Variants in TBC1D12 observed in about 807,000 individuals in gnomAD.
TBC1D12 encodes the protein TBC1 domain family, member 12.
A neutral mutation model predicts 86.7 loss-of-function variants in TBC1D12; 56 were observed. The observed-to-expected ratio is 0.65, with a 90% CI of 0.52 to 0.81. The LOEUF (loss-of-function observed/expected upper bound fraction) is 0.81, where lower values mean the gene tolerates loss of function less well. Ranked by LOEUF, TBC1D12 falls within the 30% of genes least tolerant of loss-of-function variation. The pLI is 0.00. For synonymous variants in TBC1D12, 421 were observed against 411.7 expected (o/e 1.02, Z -0.27); for missense variants, 1,023 against 1,038.8 (o/e 0.98, Z 0.21).
At chr10:94,423,056 C>T (rs1456506663) in intron 1 of TBC1D12, among the ~76,000 whole-genome samples, 3 of 152,018 alleles carry the variant, frequency 2.0e-5, no homozygotes, top group South Asian at 2.1e-4. Context: ...GCCATGATCA[C>T]GCCAGTGCAC....
intron 4 of TBC1D12, among the ~76,000 whole-genome samples, chr10:94,496,621 T>C (rs1011024733): frequency 6.6e-6 from 1 of 152,192 alleles, no homozygotes; most frequent in Non-Finnish European, 1.5e-5. Flanking sequence ...AATAGAAATA[T>C]GTGATAAAGT....
At chr10:94,415,968 C>A (rs1020118514) in intron 1 of TBC1D12, among the ~76,000 whole-genome samples, 1 of 152,098 alleles carries the variant, frequency 6.6e-6, no homozygotes, top group African/African-American at 2.4e-5. Context: ...TAGGAGATAA[C>A]CACTATAAAA....
chr10:94,493,151 T>TAC (rs10532128), intron 3 of TBC1D12, among the ~76,000 whole-genome samples: 2,526 of 150,026 alleles, frequency 0.017, 34 homozygotes, highest in Middle Eastern at 0.038. Flanking sequence ...GACATAGAAC[T>TAC]ACACACACAC....
intron 1 of TBC1D12, among the ~76,000 whole-genome samples, chr10:94,434,022 C>G (rs1481018684): frequency 6.6e-6 from 1 of 152,062 alleles, no homozygotes; most frequent in Non-Finnish European, 1.5e-5. Context: ...GTTTCTGACC[C>G]AGTAACTACC....
intron 9 of TBC1D12, among the ~76,000 whole-genome samples, chr10:94,515,644 C>T (rs1194860536): frequency 6.6e-6 from 1 of 152,160 alleles, no homozygotes; most frequent in Non-Finnish European, 1.5e-5. Flanking sequence ...CCACCCTGCC[C>T]GGCCTATGTA....
At chr10:94,517,365 G>A (rs1236091567) in intron 9 of TBC1D12, among the ~76,000 whole-genome samples, 2 of 152,302 alleles carry the variant, frequency 1.3e-5, no homozygotes, top group Admixed American at 6.5e-5. Context: ...GTGACAGAGC[G>A]AGACTCTGTC....
At chr10:94,516,155 T>C (rs1344806499) in intron 9 of TBC1D12, among the ~76,000 whole-genome samples, 1 of 152,228 alleles carries the variant, frequency 6.6e-6, no homozygotes, top group Non-Finnish European at 1.5e-5. Context: ...TCACAGAATT[T>C]TATTCTAATG....
At position 94,420,834 on chromosome 10, in the gene TBC1D12, G is replaced by GT. The variant is rs201802439; in HGVS notation, c.971+17255dup. Among the ~76,000 whole-genome samples, 128 of 152,222 alleles carry GT rather than the reference G, an allele frequency of 8.4e-4. 1 individual carries two copies. In the East Asian group the frequency reaches 0.024, roughly 28 times the overall value. On this transcript the variant is annotated intron_variant, in intron 1 of 12. Transcript: ENST00000225235. ...TGCTGCTAGTATCATTTGTGTACAA[G>GT]TTTTTGTTTGAACACTTTTTTCTTT...
intron 2 of TBC1D12, among the ~76,000 whole-genome samples, chr10:94,447,845 A>G (rs1481603121): frequency 6.7e-6 from 1 of 149,558 alleles, no homozygotes; most frequent in African/African-American, 2.5e-5. Flanking sequence ...CAAATGAACC[A>G]TGTTATATGT....
rs2134036800 is a variant in TBC1D12, at chr10:94,402,779, G to C, written c.166G>C (p.Glu56Gln). Residue 56 changes from glutamate to glutamine, a missense_variant, in exon 1 of 13, where the codon GAG (glutamate) becomes CAG (glutamine). Around this residue, in one of 2 missense-constraint regions of TBC1D12, gnomAD observed 628 missense variants for 531.1 expected, o/e 1.18. Transcript: ENST00000225235. Reference protein sequence around the residue: ...VEPPEEADEEEEADEEEETPP... With the variant: ...VEPPEEADEEQEADEEEETPP... ...GCCGCCGGAGGAGGCTGACGAGGAG[G>C]AGGAGGCTGACGAGGAGGAGGAGAC... 1 of 1,547,208 alleles carries C rather than the reference G, an allele frequency of 6.5e-7. No individual in the cohort carries two copies. The highest frequency in any genetic ancestry group is 8.7e-7 in the Non-Finnish European group (1 of 1,145,704).
rs2054784142 is a variant in TBC1D12 at position 94,402,742 on chromosome 10, C to A, written c.129C>A (p.Val43=). The change falls in exon 1 of 13, where the codon GTC becomes GTA. Residue 43 remains valine, a synonymous_variant. Transcript: ENST00000225235. ...IRATGGFGGG[V]GAVEPPEEAD... ...CCACGGGCGGCTTTGGCGGAGGCGT[C>A]GGCGCTGTGGAGCCGCCGGAGGAGG... The A allele has an allele frequency of 1.3e-6, 2 of 1,556,620 alleles. No homozygotes were observed. Among genetic ancestry groups the A allele is most frequent in the Non-Finnish European group, 1.7e-6 (2 of 1,150,350 alleles).
intron 1 of TBC1D12, among the ~76,000 whole-genome samples, chr10:94,419,277 A>G (rs1420293451): frequency 6.6e-6 from 1 of 152,208 alleles, no homozygotes; most frequent in Non-Finnish European, 1.5e-5. Flanking sequence ...TTTAATGTAT[A>G]TTAAAGTATA....
chr10:94,486,697 T>G lies in TBC1D12; in HGVS notation c.1212-6668T>G, dbSNP rs116085588. Reference sequence around the variant, plus strand: ...TATTATCTCATTTTTTTGAATGTTTTAAGACTTGGTTTGTTTTTAACTAAG... The same window carrying G: ...TATTATCTCATTTTTTTGAATGTTTGAAGACTTGGTTTGTTTTTAACTAAG... On this transcript the variant is annotated intron_variant, in intron 3 of 12. Coordinates refer to ENST00000225235, the MANE Select transcript of TBC1D12 (RefSeq NM_015188.2). Among the ~76,000 whole-genome samples the G allele has an allele frequency of 3.0e-3, 459 of 152,310 alleles. 3 individuals are homozygous for G. The highest frequency in any genetic ancestry group is 0.01 in the African/African-American group (436 of 41,570).
In TBC1D12 at chr10:94,533,599, A is replaced by G. The variant is rs1490052144; in HGVS notation, c.*503A>G. The G allele has an allele frequency of 6.6e-6, 1 of 152,192 alleles. No individual in the cohort carries two copies. Among genetic ancestry groups the G allele is most frequent in the Non-Finnish European group, 1.5e-5 (1 of 68,024 alleles). 9.4% of individuals were successfully genotyped at this position (152,192 alleles called of 1,614,324 possible). ...AATTATTTAAGTCACTGAAGATGTC[A>G]TTTATCTTCATTCACAAGTTGGGGC... is the stretch of plus-strand genomic sequence containing the variant. On this transcript the variant is annotated 3_prime_UTR_variant, in exon 13 of 13. Transcript: ENST00000225235.
At chr10:94,512,081 C>G (rs1371844053) in intron 9 of TBC1D12, among the ~76,000 whole-genome samples, 1 of 152,140 alleles carries the variant, frequency 6.6e-6, no homozygotes, top group African/African-American at 2.4e-5. Flanking sequence ...ATTTTTAGCT[C>G]TCTTTCTCCA....
In TBC1D12 at chr10:94,459,543, G is replaced by A. The variant is rs552528470; in HGVS notation, c.1096-15125G>A. ...GATGGGACCTTGCGCCATGGAGCAG[G>A]CGGCGGTGCCCGTCGGGGAGGCTCG... On this transcript the variant is annotated intron_variant, in intron 2 of 12. Transcript: ENST00000225235. Among the ~76,000 whole-genome samples the A allele has an allele frequency of 9.2e-5, 14 of 152,366 alleles. No homozygotes were observed. In the South Asian group the frequency reaches 2.9e-3, roughly 32 times the overall value.
At chr10:94,527,300 G>A (rs1842317382) in intron 11 of TBC1D12, among the ~76,000 whole-genome samples, 1 of 152,080 alleles carries the variant, frequency 6.6e-6, no homozygotes, top group African/African-American at 2.4e-5. Flanking sequence ...ATGTTGGCCA[G>A]GCTGGTCTGG....
At chr10:94,476,709 A>G (rs1379735734) in intron 3 of TBC1D12, among the ~76,000 whole-genome samples, 1 of 152,242 alleles carries the variant, frequency 6.6e-6, no homozygotes, top group African/African-American at 2.4e-5. Context: ...AGCGTTTATG[A>G]AAATATCACT....
intron 2 of TBC1D12, among the ~76,000 whole-genome samples, chr10:94,463,222 T>A (rs962231573): frequency 6.6e-6 from 1 of 152,238 alleles, no homozygotes; most frequent in Non-Finnish European, 1.5e-5. Context: ...GGATGGTCAG[T>A]GTCTCAGTCC....
Sources: gnomAD v4.1 joint callset for allele counts (sites outside exome capture counted in the v4.1 genomes callset) on GRCh38, gnomAD v4.1.1 for gene constraint, gnomAD v4.1.1 regional missense constraint, MANE v1.5 for transcripts, NCBI Gene and HGNC (gene_info 2026-07-23, HGNC 2026-07-21) for gene names.